The following CCR6 variants were observed in gnomAD, a reference collection of about 807,000 sequenced individuals.
The protein encoded by CCR6 is C-C chemokine receptor type 6.
A neutral mutation model predicts 3.0 loss-of-function variants in CCR6; 2 were observed. The ratio of observed to expected loss-of-function variants is 0.66; its 90% CI spans 0.27 to 2.07. The LOEUF is 2.07. Ranked by LOEUF, CCR6 falls within the 30% of genes most tolerant of loss-of-function variation. CCR6 has a pLI of 0.14. For synonymous variants in CCR6, 193 were observed against 184.3 expected, an observed-to-expected ratio of 1.05 and a Z score of -0.38; for missense variants, 322 against 462.8, an observed-to-expected ratio of 0.70 and a Z score of 2.79.
rs1479512179 is a variant in CCR6, at chr6:167,113,056, T to A, written c.-98+1042T>A. 3.9e-5 allele frequency among the ~76,000 whole-genome samples: 6 copies of A among 151,902 alleles called. No individual in the cohort carries two copies. The East Asian group carries it at 7.7e-4, about 20-fold the overall frequency. On this transcript the variant is annotated intron_variant, in intron 1 of 2. Coordinates refer to the CCR6 transcript ENST00000400926. ...GCACTTGTTGTAATTTTGCATTATG[T>A]CTTCTCTAATTAAACATCTGAACCC...
chr6:167,117,415 C>CTTTTTTTTT (rs35058463), intron 1 of CCR6, among the ~76,000 whole-genome samples: 1 of 109,894 alleles, frequency 9.1e-6, no homozygotes, highest in East Asian at 2.6e-4. Flanking sequence ...TTTTTTTTTT[C>CTTTTTTTTT]TTTTTTTTTT....
intron 1 of CCR6, chr6:167,115,380 A>G (rs1781477788): frequency 6.6e-6 from 1 of 152,274 alleles, no homozygotes; most frequent in South Asian, 2.1e-4. Context: ...TAAGTAAGTC[A>G]GAGGAAAACT....
chr6:167,131,129 A>T (rs1457189792), intron 1 of CCR6: 3 of 152,040 alleles, frequency 2.0e-5, no homozygotes, highest in Non-Finnish European at 2.9e-5. Context: ...ACCAAGAGTT[A>T]CTCACTTTCT....
rs1781876086 is a variant in CCR6, at chr6:167,138,034, T to G, written c.*679T>G. 1 of 152,424 alleles carries G rather than the reference T, an allele frequency of 6.6e-6. No homozygotes were observed. The highest frequency in any genetic ancestry group is 2.1e-4 in the South Asian group (1 of 4,824). 9.4% of individuals were successfully genotyped at this position (152,424 alleles called of 1,614,324 possible). ...CAATTGGATAAAGCAGCTCAGGTTG[T>G]AGTGGGCCATTAGGAAACTGTCGGT... On this transcript the variant is annotated 3_prime_UTR_variant, in exon 3 of 3. Transcript: ENST00000341935.
chr6:167,118,086 C>T (rs1009103327), upstream of CCR6, among the ~76,000 whole-genome samples: 2 of 152,072 alleles, frequency 1.3e-5, no homozygotes, highest in African/African-American at 2.4e-5. Flanking sequence ...GCAGTTCCAT[C>T]GGCGTCTCTG....
At chr6:167,114,239 C>T (rs113943899) in intron 1 of CCR6, among the ~76,000 whole-genome samples, 1 of 152,218 alleles carries the variant, frequency 6.6e-6, no homozygotes, top group African/African-American at 2.4e-5. Flanking sequence ...CCTGTGCTGT[C>T]CCCACCTCCT....
At position 167,139,123 on chromosome 6, in the gene CCR6, A is replaced by C. The variant is rs1270161085; in HGVS notation, c.*1768A>C. The stretch of plus-strand genomic sequence containing the variant: ...ATGGCTTTGGCTTTGCAAAATAAAA[A>C]ATGTGTTTTGTACATGAAGTAGGAA... On this transcript the variant is annotated 3_prime_UTR_variant, in exon 3 of 3. Transcript: ENST00000341935. The C allele has an allele frequency of 6.6e-6, 1 of 152,302 alleles. No individual in the cohort carries two copies. Among genetic ancestry groups the C allele is most frequent in the Non-Finnish European group, 1.5e-5 (1 of 68,022 alleles). The allele number at this position is 152,302 out of a possible 1,614,324, so 9.4% of individuals were successfully genotyped here.
intron 1 of CCR6, chr6:167,129,407 T>C (rs1781718800): frequency 6.6e-6 from 1 of 152,332 alleles, no homozygotes; most frequent in Non-Finnish European, 1.5e-5. Flanking sequence ...CTCCTGCACT[T>C]GCTTCATAAT....
intron 1 of CCR6, among the ~76,000 whole-genome samples, chr6:167,134,291 G>A (rs945518146): frequency 2.1e-4 from 32 of 152,052 alleles, no homozygotes; most frequent in Admixed American, 2.0e-3. Context: ...TGATTGATAC[G>A]ATTACCTCGT....
intron 1 of CCR6, chr6:167,131,613 C>G (rs1391126921): frequency 6.4e-6 from 1 of 155,740 alleles, no homozygotes; most frequent in Admixed American, 6.5e-5. Flanking sequence ...GCAGGCCTCC[C>G]CCTCGCTGTC....
At chr6:167,128,309 T>C (rs41378350) in intron 1 of CCR6, among the ~76,000 whole-genome samples, 3,149 of 152,348 alleles carry the variant, frequency 0.021, 93 homozygotes, top group African/African-American at 0.071. Context: ...CATGGGGCCA[T>C]GATTCTGCCG....
In CCR6 at chr6:167,123,174, T is replaced by C. The variant is rs763154530; in HGVS notation, c.-147T>C. On this transcript the variant is annotated 5_prime_UTR_variant, in exon 1 of 3. Coordinates refer to ENST00000341935, the MANE Select transcript of CCR6 (RefSeq NM_031409.4). ...CATTGGTGAGCTGGAGTCATCAGAT[T>C]GTGGGGCCCGGAGTGAGGCTGAAGG... 6.5e-6 allele frequency: 1 copy of C among 152,776 alleles called. No homozygotes were observed. Among genetic ancestry groups the C allele is most frequent in the Admixed American group, 6.5e-5 (1 of 15,274 alleles). 9.5% of individuals were successfully genotyped at this position (152,776 alleles called of 1,614,324 possible). A position where few individuals can be genotyped will look rare whatever the true frequency, so the allele number is the denominator to read the frequency against.
intron 1 of CCR6, among the ~76,000 whole-genome samples, chr6:167,117,517 C>T (rs891154408): frequency 3.3e-5 from 5 of 149,426 alleles, no homozygotes; most frequent in South Asian, 2.1e-4. Context: ...CCCGGGTTCA[C>T]GCCATTCTCC....
intron 1 of CCR6, chr6:167,114,891 T>G (rs1781470686): frequency 6.6e-6 from 1 of 152,228 alleles, no homozygotes; most frequent in African/African-American, 2.4e-5. Flanking sequence ...TTTAGACACA[T>G]AAATCTGTGT....
At position 167,136,795 on chromosome 6, in the gene CCR6, T is replaced by C; in HGVS notation, c.565T>C (p.Tyr189His). ...CTCAACTTTTGTCTTCAACCAAAAA[T>C]ACAACACCCAAGGCAGCGATGTCTG... ...SSSTFVFNQK[Y>H]NTQGSDVCEP... Residue 189 changes from tyrosine (Y) to histidine (H), a missense_variant, in exon 3 of 3, where the codon TAC (tyrosine) becomes CAC (histidine). Physicochemically the swap from Tyr to His is moderately conservative, Grantham distance 83. Coordinates refer to ENST00000341935, the MANE Select transcript of CCR6 (RefSeq NM_031409.4). The surrounding 1 kb of genome is among the most constrained non-coding windows in gnomAD (Gnocchi z 4.6). 6.2e-7 allele frequency: 1 copy of C among 1,614,002 alleles called. No homozygotes were observed. Among genetic ancestry groups the C allele is most frequent in the East Asian group, 2.2e-5 (1 of 44,882 alleles).
chr6:167,138,290 T>G lies in CCR6; in HGVS notation c.*935T>G, dbSNP rs1329536530. On this transcript the variant is annotated 3_prime_UTR_variant, in exon 3 of 3. Coordinates refer to ENST00000341935, the MANE Select transcript of CCR6 (RefSeq NM_031409.4). ...TTTAAAATGTTAGATGTTTTTAATT[T>G]TTTAAATAAATGGAATACTTTTTTT... 3 of 145,324 alleles carry G rather than the reference T, an allele frequency of 2.1e-5. No homozygotes were observed. Among genetic ancestry groups the G allele is most frequent in the Non-Finnish European group, 4.5e-5 (3 of 67,034 alleles). The allele number at this position is 145,324 out of a possible 1,614,324, so 9.0% of individuals were successfully genotyped here. A position where few individuals can be genotyped will look rare whatever the true frequency, so the allele number is the denominator to read the frequency against.
In CCR6 at chr6:167,136,577, C is replaced by A; in HGVS notation, c.347C>A (p.Ala116Asp). The A allele has an allele frequency of 6.2e-7, 1 of 1,608,572 alleles. No homozygotes were observed. Among genetic ancestry groups the A allele is most frequent in the Non-Finnish European group, 8.5e-7 (1 of 1,176,328 alleles). The part of the protein sequence containing the change: ...HATGAWVFSN[A>D]TCKLLKGIYA... ...ACCGGTGCGTGGGTTTTCAGCAATG[C>A]CACGTGCAAGTTGCTAAAAGGCATC... is the stretch of plus-strand genomic sequence containing the variant. The change falls in exon 3 of 3, where the codon GCC becomes GAC. Residue 116 changes from alanine to aspartate, a missense_variant. Ala to Asp is a moderately radical substitution (Grantham distance 126). Coordinates refer to ENST00000341935, the MANE Select transcript of CCR6 (RefSeq NM_031409.4). This position sits in a 1 kb window ranked among gnomAD's most constrained non-coding sequence, Gnocchi z 4.6.
chr6:167,129,952 A>T (rs1288252563), intron 1 of CCR6, among the ~76,000 whole-genome samples: 1 of 151,808 alleles, frequency 6.6e-6, no homozygotes, highest in Non-Finnish European at 1.5e-5. Context: ...GTGTCATTAG[A>T]TGACTTTTTC....
At chr6:167,133,099 A>C (rs1562560367) in intron 1 of CCR6, among the ~76,000 whole-genome samples, 1 of 152,202 alleles carries the variant, frequency 6.6e-6, no homozygotes, top group Non-Finnish European at 1.5e-5. Context: ...GTGTCTTTCA[A>C]AGAGCAGAAG....
Sources: gnomAD v4.1 joint callset for allele counts (sites outside exome capture counted in the v4.1 genomes callset) on GRCh38, gnomAD v4.1.1 for gene constraint, Gnocchi (gnomAD v3.1) non-coding constraint, MANE v1.5 for transcripts, NCBI Gene and HGNC (gene_info 2026-07-23, HGNC 2026-07-21) for gene names.